RIT2: variants seen among roughly 807,000 people sequenced by gnomAD.
RIT2 encodes the protein GTP-binding protein Rit2.
A neutral mutation model predicts 23.7 loss-of-function variants in RIT2; 24 were observed. That is an observed-to-expected ratio of 1.01 (90% CI 0.73 to 1.43). The LOEUF is 1.43. RIT2 is among the 40% of genes most tolerant of loss of function. The probability of loss-of-function intolerance (pLI) is 0.00; values close to 1 mark genes in which losing one functional copy is unlikely to be tolerated. For missense variants in RIT2, 236 were observed against 266.9 expected (o/e 0.88, Z 0.81); for synonymous variants, 107 against 91.1 (o/e 1.17, Z -0.99).
At chr18:43,082,400 C>G (rs11876313) in intron 1 of RIT2, among the ~76,000 whole-genome samples, 15,835 of 152,040 alleles carry the variant, frequency 0.1, 896 homozygotes, top group Non-Finnish European at 0.11. Flanking sequence ...CATCCTGATA[C>G]CAAAACCTAG....
At chr18:42,887,709 C>A (rs1470891247) in intron 4 of RIT2, among the ~76,000 whole-genome samples, 2 of 152,144 alleles carry the variant, frequency 1.3e-5, no homozygotes, top group Admixed American at 6.6e-5. Context: ...AGACTACACA[C>A]AAATGTTTAC....
chr18:42,958,746 C>T (rs1220765363), intron 3 of RIT2, among the ~76,000 whole-genome samples: 4 of 152,140 alleles, frequency 2.6e-5, no homozygotes, highest in Non-Finnish European at 5.9e-5. Flanking sequence ...GAACGTGCCC[C>T]CTCTGTCCAT....
At chr18:43,064,461 CATTTCACTCAGG>C (rs1402966551) in intron 1 of RIT2, among the ~76,000 whole-genome samples, 2 of 152,098 alleles carry the variant, frequency 1.3e-5, no homozygotes, top group East Asian at 3.9e-4. Flanking sequence ...AAGCAATACA[CATTTCACTCAGG>C]ATAACACAAG....
rs1173555523 is a variant in RIT2 at position 42,800,385 on chromosome 18, G to A, written c.427-56665C>T. On this transcript the variant is annotated intron_variant, in intron 4 of 4. Transcript: ENST00000326695. ...TCCTCTAGATCTCTAGATTTCTGTGGTACTTCAGGGATTAATATTTAAACC... is the reference window on the plus strand; with the variant it reads ...TCCTCTAGATCTCTAGATTTCTGTGATACTTCAGGGATTAATATTTAAACC... Among the ~76,000 whole-genome samples, 7 of 152,120 alleles carry A rather than the reference G, an allele frequency of 4.6e-5. No individual in the cohort carries two copies. In the East Asian group the frequency reaches 1.4e-3, roughly 29 times the overall value.
chr18:42,920,810 C>A, intron 4 of RIT2: 1 of 1,184,878 alleles, frequency 8.4e-7, no homozygotes, highest in South Asian at 1.2e-5. Context: ...CTTTGCCTCT[C>A]ACCACTAAAC....
At chr18:43,034,288 C>A (rs958673048) in intron 1 of RIT2, among the ~76,000 whole-genome samples, 2 of 152,046 alleles carry the variant, frequency 1.3e-5, no homozygotes, top group African/African-American at 2.4e-5. Context: ...TGAATAGATA[C>A]CCTCTGAAGT....
intron 1 of RIT2, among the ~76,000 whole-genome samples, chr18:43,072,375 G>A (rs1353779778): frequency 6.6e-6 from 1 of 152,096 alleles, no homozygotes; most frequent in Non-Finnish European, 1.5e-5. Flanking sequence ...GAATCAATTT[G>A]CTTATGACAC....
chr18:42,851,725 G>T (rs974563866), intron 4 of RIT2, among the ~76,000 whole-genome samples: 1 of 151,964 alleles, frequency 6.6e-6, no homozygotes. Flanking sequence ...TGGCACATGC[G>T]TATAGTCCCA....
chr18:42,996,083 C>T (rs996678779), intron 2 of RIT2, among the ~76,000 whole-genome samples: 1 of 152,184 alleles, frequency 6.6e-6, no homozygotes, highest in African/African-American at 2.4e-5. Context: ...ATTCTTAGAC[C>T]TTTAATACCT....
At chr18:42,831,535 T>C (rs558249195) in intron 4 of RIT2, among the ~76,000 whole-genome samples, 1 of 152,216 alleles carries the variant, frequency 6.6e-6, no homozygotes, top group South Asian at 2.1e-4. Flanking sequence ...AAAACACAGA[T>C]AGGGGTGTAG....
intron 4 of RIT2, among the ~76,000 whole-genome samples, chr18:42,761,231 G>C (rs181993047): frequency 1.2e-4 from 19 of 152,058 alleles, no homozygotes; most frequent in Admixed American, 1.0e-3. Context: ...CCTTGGACTT[G>C]TCTTTTTTTG....
chr18:43,041,877 A>G (rs1912136262), intron 1 of RIT2, among the ~76,000 whole-genome samples: 1 of 152,096 alleles, frequency 6.6e-6, no homozygotes, highest in Non-Finnish European at 1.5e-5. Flanking sequence ...AGAGGCAGAG[A>G]CTGTCAGTTA....
At chr18:43,020,205 C>T (rs1598750138) in intron 2 of RIT2, among the ~76,000 whole-genome samples, 1 of 152,192 alleles carries the variant, frequency 6.6e-6, no homozygotes, top group East Asian at 1.9e-4. Context: ...GCATATGAGG[C>T]CAGGCACAGT....
intron 3 of RIT2, among the ~76,000 whole-genome samples, chr18:42,941,781 T>G (rs566656972): frequency 6.6e-6 from 1 of 152,168 alleles, no homozygotes; most frequent in Non-Finnish European, 1.5e-5. Flanking sequence ...TATATATGTA[T>G]GTATATTTGT....
At chr18:42,845,209 G>A (rs142883485) in intron 4 of RIT2, among the ~76,000 whole-genome samples, 58 of 152,118 alleles carry the variant, frequency 3.8e-4, no homozygotes, top group African/African-American at 1.3e-3. Flanking sequence ...CAGGGATCAT[G>A]AGTAGAGAAA....
At chr18:42,804,561 T>TAAAAAAA (rs564202513) in intron 4 of RIT2, among the ~76,000 whole-genome samples, 96 of 52,074 alleles carry the variant, frequency 1.8e-3, no homozygotes, top group East Asian at 2.1e-3. Flanking sequence ...GCCTCAAAAC[T>TAAAAAAA]AAAAAAAAAA....
chr18:42,900,689 A>T (rs1332398280), intron 4 of RIT2, among the ~76,000 whole-genome samples: 1 of 152,120 alleles, frequency 6.6e-6, no homozygotes, highest in East Asian at 1.9e-4. Context: ...CAGTGTTGAT[A>T]GTACTTTCAG....
intron 2 of RIT2, among the ~76,000 whole-genome samples, chr18:42,999,764 A>G (rs967102640): frequency 9.2e-5 from 14 of 152,088 alleles, no homozygotes; most frequent in African/African-American, 2.2e-4. Flanking sequence ...ATACAAAAAG[A>G]CAATATATCC....
chr18:43,049,035 T>C (rs1568066818), intron 1 of RIT2, among the ~76,000 whole-genome samples: 1 of 152,188 alleles, frequency 6.6e-6, no homozygotes, highest in Non-Finnish European at 1.5e-5. Context: ...TTGGTTAGGG[T>C]TGTTTTCTGT....
Sources: gnomAD v4.1 joint callset for allele counts (sites outside exome capture counted in the v4.1 genomes callset) on GRCh38, gnomAD v4.1.1 for gene constraint, MANE v1.5 for transcripts, NCBI Gene and HGNC (gene_info 2026-07-23, HGNC 2026-07-21) for gene names.